The following MAGI1 variants were observed in gnomAD, a reference collection of about 807,000 sequenced individuals.
The protein encoded by MAGI1 is membrane-associated guanylate kinase, WW and PDZ domain-containing protein 1.
Under a neutral mutation model 139.9 loss-of-function variants are expected in MAGI1, and 58 were observed. The ratio of observed to expected loss-of-function variants is 0.41; its 90% CI spans 0.34 to 0.52. The LOEUF (loss-of-function observed/expected upper bound fraction) is 0.52, where lower values mean the gene tolerates loss of function less well. MAGI1 is among the 20% of genes least tolerant of loss of function. The pLI, the probability that MAGI1 is intolerant of heterozygous loss-of-function variation, is 0.12. For missense variants in MAGI1, 1,874 were observed against 1,901.6 expected, an observed-to-expected ratio of 0.99 and a Z score of 0.27; for synonymous variants, 812 against 737.9, an observed-to-expected ratio of 1.10 and a Z score of -1.63.
chr3:65,909,714 G>A (rs1477213617), intron 1 of MAGI1, among the ~76,000 whole-genome samples: 1 of 152,116 alleles, frequency 6.6e-6, no homozygotes, highest in African/African-American at 2.4e-5. Flanking sequence ...TTAAAAAAAT[G>A]TAAAAAGAAA....
rs550374489 is a variant in MAGI1 at position 65,621,627 on chromosome 3, C to T, written c.430+345G>A. Among the ~76,000 whole-genome samples, 17 of 152,292 alleles carry T rather than the reference C, an allele frequency of 1.1e-4. No individual in the cohort carries two copies. The South Asian group carries it at 2.5e-3, about 22-fold the overall frequency. On this transcript the variant is annotated intron_variant, in intron 2 of 22. Transcript: ENST00000402939. The stretch of plus-strand genomic sequence containing the variant: ...CAGCAAATGTTAACATTTATGGAGG[C>T]TCACAGCACACCATTACCTTAGAAA...
chr3:65,739,302 T>C (rs562208972), intron 1 of MAGI1, among the ~76,000 whole-genome samples: 77 of 152,336 alleles, frequency 5.1e-4, no homozygotes, highest in Non-Finnish European at 9.6e-4. Flanking sequence ...CAGCCTTCAT[T>C]CACAGAACTG....
chr3:65,822,032 C>A (rs1398446097), intron 1 of MAGI1, among the ~76,000 whole-genome samples: 1 of 152,050 alleles, frequency 6.6e-6, no homozygotes, highest in Non-Finnish European at 1.5e-5. Context: ...CACCTACCAA[C>A]CTAAAGGAAA....
intron 1 of MAGI1, among the ~76,000 whole-genome samples, chr3:65,922,376 T>G (rs1361585478): frequency 6.6e-6 from 1 of 152,110 alleles, no homozygotes; most frequent in Non-Finnish European, 1.5e-5. Context: ...GGGTAATCCC[T>G]AAAACCAATA....
intron 1 of MAGI1, among the ~76,000 whole-genome samples, chr3:65,802,141 G>A (rs1344839212): frequency 1.3e-5 from 2 of 152,084 alleles, no homozygotes; most frequent in Non-Finnish European, 2.9e-5. Flanking sequence ...AAAAAGGTTG[G>A]GGACCACTGC....
intron 1 of MAGI1, among the ~76,000 whole-genome samples, chr3:65,641,393 T>C (rs2107241452): frequency 6.6e-6 from 1 of 152,276 alleles, no homozygotes; most frequent in East Asian, 1.9e-4. Context: ...TTCAGACCAA[T>C]TCAGAATCTA....
intron 1 of MAGI1, among the ~76,000 whole-genome samples, chr3:65,662,775 CATACT>C (rs2086270033): frequency 6.6e-6 from 1 of 152,188 alleles, no homozygotes; most frequent in Non-Finnish European, 1.5e-5. Context: ...CTATAGTCCT[CATACT>C]ATACATTAGA....
intron 1 of MAGI1, among the ~76,000 whole-genome samples, chr3:65,783,833 A>G (rs2039152062): frequency 1.3e-5 from 2 of 150,446 alleles, no homozygotes; most frequent in Non-Finnish European, 3.0e-5. Context: ...AATTTTAAAA[A>G]AAGTGCAGGC....
intron 1 of MAGI1, among the ~76,000 whole-genome samples, chr3:65,673,649 G>C (rs1228792669): frequency 6.6e-6 from 1 of 152,138 alleles, no homozygotes; most frequent in Non-Finnish European, 1.5e-5. Flanking sequence ...ATCTCTAAGG[G>C]TGCTTCCAGC....
At position 65,800,184 on chromosome 3, in the gene MAGI1, C is replaced by G. The variant is rs116381351; in HGVS notation, c.314-178096G>C. Among the ~76,000 whole-genome samples the G allele has an allele frequency of 5.8e-3, 883 of 152,246 alleles. 6 individuals carry two copies. Among genetic ancestry groups the G allele is most frequent in the African/African-American group, 0.02 (840 of 41,532 alleles). ...GGTGACTTAACACATGTAAAGCATT[C>G]AGAATAATGCCTGGCACGTGGCAAG... On this transcript the variant is annotated intron_variant, in intron 1 of 22. Coordinates refer to ENST00000402939, the MANE Select transcript of MAGI1 (RefSeq NM_001033057.2).
chr3:65,482,551 T>C (rs750987454), intron 3 of MAGI1, among the ~76,000 whole-genome samples: 2 of 152,198 alleles, frequency 1.3e-5, no homozygotes, highest in South Asian at 2.1e-4. Flanking sequence ...AGCAACCTCA[T>C]AGGATTATTG....
chr3:65,876,239 T>C (rs1467367463), intron 1 of MAGI1, among the ~76,000 whole-genome samples: 2 of 152,012 alleles, frequency 1.3e-5, no homozygotes, highest in Non-Finnish European at 2.9e-5. Flanking sequence ...AGAGGATCAC[T>C]TGGGCCCAGG....
intron 1 of MAGI1, among the ~76,000 whole-genome samples, chr3:66,021,684 A>G (rs1228069039): frequency 6.6e-6 from 1 of 152,146 alleles, no homozygotes; most frequent in African/African-American, 2.4e-5. Flanking sequence ...TAGGTCTGGG[A>G]TGGGGTCTAG....
intron 14 of MAGI1, 75 bp from the exon 15 acceptor site, chr3:65,383,698 T>C: frequency 1.1e-6 from 1 of 905,912 alleles, no homozygotes; most frequent in Non-Finnish European, 1.9e-6. Flanking sequence ...TGAACACAGT[T>C]GCAGGACAAG....
intron 1 of MAGI1, among the ~76,000 whole-genome samples, chr3:65,937,989 T>C (rs796836344): frequency 9.2e-5 from 14 of 152,232 alleles, no homozygotes; most frequent in African/African-American, 3.1e-4. Context: ...CAAGCAATAC[T>C]CTATTAGGAA....
At chr3:65,844,611 TC>T (rs2058921445) in intron 1 of MAGI1, among the ~76,000 whole-genome samples, 1 of 152,118 alleles carries the variant, frequency 6.6e-6, no homozygotes, top group African/African-American at 2.4e-5. Context: ...CACATCATGA[TC>T]AACTGAGATC....
At chr3:65,663,394 C>A (rs2086314623) in intron 1 of MAGI1, among the ~76,000 whole-genome samples, 1 of 152,140 alleles carries the variant, frequency 6.6e-6, no homozygotes, top group Admixed American at 6.5e-5. Context: ...TGGTACCAGT[C>A]CACAGACCAC....
chr3:65,611,786 G>A (rs2083139706), intron 2 of MAGI1, among the ~76,000 whole-genome samples: 1 of 151,242 alleles, frequency 6.6e-6, no homozygotes, highest in South Asian at 2.1e-4. Flanking sequence ...AGAAACAGTG[G>A]TGGTTATTAG....
intron 12 of MAGI1, among the ~76,000 whole-genome samples, chr3:65,415,787 C>A (rs1403740233): frequency 6.6e-6 from 1 of 152,174 alleles, no homozygotes; most frequent in African/African-American, 2.4e-5. Context: ...GGACATTTGG[C>A]CCTGTCTGAA....
Sources: gnomAD v4.1 joint callset for allele counts (sites outside exome capture counted in the v4.1 genomes callset) on GRCh38, gnomAD v4.1.1 for gene constraint, MANE v1.5 for transcripts, NCBI Gene and HGNC (gene_info 2026-07-23, HGNC 2026-07-21) for gene names.